The following BTD variants were observed in gnomAD, a reference collection of about 807,000 sequenced individuals.
BTD encodes the protein biocytinase.
BTD carries 13 observed loss-of-function variants against 17.7 expected under a neutral mutation model. The ratio of observed to expected loss-of-function variants is 0.74; its 90% CI spans 0.48 to 1.17. The LOEUF is 1.17. Ranked by LOEUF, BTD falls within the 50% of genes most tolerant of loss-of-function variation. The pLI is 0.00. For synonymous variants in BTD, 240 were observed against 245.2 expected (o/e 0.98, Z 0.20); for missense variants, 674 against 650.4 (o/e 1.04, Z -0.39).
At chr3:15,657,981 A>G (rs918298148), downstream of BTD, among the ~76,000 whole-genome samples, 9 of 152,102 alleles carry the variant, frequency 5.9e-5, no homozygotes, top group African/African-American at 2.2e-4. Flanking sequence ...CAGCCTGGCC[A>G]ACGTGGTGAA....
rs1042842413 is a variant in BTD, at chr3:15,635,308, G to A, written c.-16-116G>A. ...GAACATGAAACAAACTCTTTGAGCCGCAGTATCACTGCGAGTGAGTTTAAT... is the reference window on the plus strand; with the variant it reads ...GAACATGAAACAAACTCTTTGAGCCACAGTATCACTGCGAGTGAGTTTAAT... On this transcript the variant is annotated intron_variant, in intron 1 of 3. Transcript: ENST00000643237. The surrounding 1 kb of genome is among the most constrained non-coding windows in gnomAD (Gnocchi z 4.1). The A allele has an allele frequency of 3.2e-5, 47 of 1,466,514 alleles. No homozygotes were observed. The highest frequency in any genetic ancestry group is 4.6e-5 in the South Asian group (4 of 87,282). 90.8% of individuals were successfully genotyped at this position (1,466,514 alleles called of 1,614,324 possible). A position where few individuals can be genotyped will look rare whatever the true frequency, so the allele number is the denominator to read the frequency against.
At chr3:15,612,260 A>G (rs2064658105) in intron 1 of BTD, among the ~76,000 whole-genome samples, 1 of 151,878 alleles carries the variant, frequency 6.6e-6, no homozygotes, top group Non-Finnish European at 1.5e-5. Flanking sequence ...TTGGCCGAAG[A>G]TTACCCTCTA....
chr3:15,707,828 C>A, intron 3 of BTD: 2 of 1,423,980 alleles, frequency 1.4e-6, no homozygotes, highest in South Asian at 1.4e-5. Flanking sequence ...ACAAAAAATA[C>A]AAAGAGGAAA....
At chr3:15,602,654 G>A (rs1487003275) in intron 1 of BTD, among the ~76,000 whole-genome samples, 1 of 152,142 alleles carries the variant, frequency 6.6e-6, no homozygotes, top group Admixed American at 6.5e-5. Flanking sequence ...GAGATGAGAG[G>A]GGAGTGGGTC....
At chr3:15,608,270 C>G (rs1022747531) in intron 1 of BTD, among the ~76,000 whole-genome samples, 1 of 152,068 alleles carries the variant, frequency 6.6e-6, no homozygotes, top group Non-Finnish European at 1.5e-5. Flanking sequence ...GAATGTTGTT[C>G]CCTTGTTTTA....
Position 15,635,321 on chromosome 3 carries a change from G to A in BTD, c.-16-103G>A, listed in dbSNP as rs2065315891. 7 of 1,546,566 alleles carry A rather than the reference G, an allele frequency of 4.5e-6. No individual in the cohort carries two copies. The highest frequency in any genetic ancestry group is 3.3e-5 in the Admixed American group (2 of 59,936). The stretch of plus-strand genomic sequence containing the variant: ...ACTCTTTGAGCCGCAGTATCACTGC[G>A]AGTGAGTTTAATTGCTGGGATTAAT... On this transcript the variant is annotated intron_variant, in intron 1 of 3. Transcript: ENST00000643237. The surrounding 1 kb of genome is among the most constrained non-coding windows in gnomAD (Gnocchi z 4.1).
In BTD at chr3:15,602,161, T is replaced by A. The variant is rs2064280507; in HGVS notation, c.-17+267T>A. 5.0e-6 allele frequency: 7 copies of A among 1,409,674 alleles called. No individual in the cohort carries two copies. The South Asian group carries it at 9.7e-5, about 20-fold the overall frequency. 87.3% of individuals were successfully genotyped at this position (1,409,674 alleles called of 1,614,324 possible). ...GTCCTTAAATTATTGTAGCGCACGT[T>A]ACTTAAATCCAGAAGCAGATGTGTA... On this transcript the variant is annotated intron_variant, in intron 1 of 3. Transcript: ENST00000643237.
rs76305179 is a variant in BTD, at chr3:15,679,647, A to G, written c.400-30413A>G. 3,202 of 1,078,562 alleles carry G rather than the reference A, an allele frequency of 3.0e-3. 70 individuals carry two copies. In the African/African-American group the frequency reaches 0.046, roughly 15 times the overall value. The allele number at this position is 1,078,562 out of a possible 1,614,324, so 66.8% of individuals were successfully genotyped here. ...AGGTACATGTAAGTGTTTAAAGGAA[A>G]AATGTAAAAGTCTCTCCCTCATCCC... is the stretch of plus-strand genomic sequence containing the variant. On this transcript the variant is annotated intron_variant, in intron 3 of 3. Transcript: ENST00000672141.
exon 4 of BTD, chr3:15,712,242 A>G (rs1403765602): frequency 3.3e-6 from 5 of 1,538,088 alleles, no homozygotes; most frequent in East Asian, 2.4e-5. Flanking sequence ...ATAGAACAGG[A>G]CAGTATCTTC....
At chr3:15,674,294 T>C (rs1369174437) in intron 3 of BTD, among the ~76,000 whole-genome samples, 2 of 151,916 alleles carry the variant, frequency 1.3e-5, no homozygotes, top group Non-Finnish European at 2.9e-5. Context: ...GGGCATACTT[T>C]AGATCTACTT....
At chr3:15,610,431 T>A (rs2064584235) in intron 1 of BTD, among the ~76,000 whole-genome samples, 1 of 152,180 alleles carries the variant, frequency 6.6e-6, no homozygotes. Flanking sequence ...GGCATTCGAG[T>A]TACATGATAA....
At chr3:15,670,507 G>A in intron 3 of BTD, 1 of 1,613,920 alleles carries the variant, frequency 6.2e-7, no homozygotes, top group Non-Finnish European at 8.5e-7. Flanking sequence ...TGAGAGCCAG[G>A]CAATCAGCCA....
At chr3:15,695,323 T>C in intron 3 of BTD, 1 of 774,802 alleles carries the variant, frequency 1.3e-6, no homozygotes, top group Non-Finnish European at 2.1e-6. Context: ...CGTGCTTCCT[T>C]TGGCTCCAAA....
intron 4 of BTD, among the ~76,000 whole-genome samples, chr3:15,718,130 T>C (rs944809776): frequency 6.6e-6 from 1 of 152,174 alleles, no homozygotes; most frequent in African/African-American, 2.4e-5. Context: ...ATATATATTC[T>C]TGCTGGATGA....
rs2064687216 is a variant in BTD at position 15,613,223 on chromosome 3, A to G, written c.-17+11329A>G. Among the ~76,000 whole-genome samples, 3 of 152,200 alleles carry G rather than the reference A, an allele frequency of 2.0e-5. 1 individual carries two copies. In the South Asian group the frequency reaches 6.2e-4, roughly 32 times the overall value. ...CAAGGAGTCACCTTAGGGTGTGTCC[A>G]CCACACATTATTTTTTTCTTTTATG... On this transcript the variant is annotated intron_variant, in intron 1 of 3. Coordinates refer to ENST00000643237, the MANE Select transcript of BTD (RefSeq NM_001370658.1).
At chr3:15,604,280 C>G (rs2125325672) in intron 1 of BTD, among the ~76,000 whole-genome samples, 1 of 152,370 alleles carries the variant, frequency 6.6e-6, no homozygotes, top group South Asian at 2.1e-4. Flanking sequence ...TTCTGTGCAC[C>G]TGCAGGCTCA....
intron 1 of BTD, among the ~76,000 whole-genome samples, chr3:15,618,017 G>A (rs1488040356): frequency 6.6e-6 from 1 of 152,268 alleles, no homozygotes; most frequent in East Asian, 1.9e-4. Context: ...ATGCAGTGGC[G>A]TGATCATAGC....
chr3:15,640,735 A>G (rs1477455792), intron 2 of BTD, among the ~76,000 whole-genome samples: 1 of 152,160 alleles, frequency 6.6e-6, no homozygotes, highest in African/African-American at 2.4e-5. Context: ...ATGTAAAACC[A>G]TATATTTATT....
intron 3 of BTD, chr3:15,690,050 G>A (rs1346167255): frequency 1.9e-6 from 3 of 1,611,136 alleles, no homozygotes; most frequent in Non-Finnish European, 2.5e-6. Flanking sequence ...TCTTCAAAAT[G>A]TAATCTTTTA....
Sources: allele counts gnomAD v4.1 joint callset (sites outside exome capture counted in the v4.1 genomes callset), GRCh38; gene constraint gnomAD v4.1.1; non-coding constraint Gnocchi (gnomAD v3.1); transcripts MANE v1.5; gene names NCBI Gene and HGNC (gene_info 2026-07-23, HGNC 2026-07-21).